Variants in AK8 observed in about 807,000 individuals in gnomAD.
AK8 encodes ATP-AMP transphosphorylase 8.
AK8 carries 44 observed loss-of-function variants against 54.6 expected under a neutral mutation model. The observed-to-expected ratio is 0.81, with a 90% CI of 0.63 to 1.04. The LOEUF is 1.04. AK8 is among the 50% of genes least tolerant of loss of function. The pLI, the probability that AK8 is intolerant of heterozygous loss-of-function variation, is 0.00. For synonymous variants in AK8, 239 were observed against 245.6 expected, an observed-to-expected ratio of 0.97 and a Z score of 0.25; for missense variants, 555 against 613.6, an observed-to-expected ratio of 0.90 and a Z score of 1.01.
At chr9:132,835,145 C>T (rs1842269159) in intron 5 of AK8, among the ~76,000 whole-genome samples, 1 of 152,194 alleles carries the variant, frequency 6.6e-6, no homozygotes, top group Admixed American at 6.5e-5. Flanking sequence ...GCTGGGATTA[C>T]AGGCATGAGC....
intron 11 of AK8, among the ~76,000 whole-genome samples, chr9:132,743,072 T>C (rs983707046): frequency 4.6e-5 from 7 of 152,184 alleles, no homozygotes; most frequent in East Asian, 3.9e-4. Flanking sequence ...CCTGGCTGCG[T>C]GTGTAGCTTT....
At chr9:132,808,938 T>A in intron 10 of AK8, among the ~76,000 whole-genome samples, 1 of 150,938 alleles carries the variant, frequency 6.6e-6, no homozygotes, top group African/African-American at 2.4e-5. Context: ...GCTTGGGGAG[T>A]GGTGGGGATG....
At chr9:132,840,730 T>TA (rs1842510043) in intron 5 of AK8, among the ~76,000 whole-genome samples, 1 of 152,012 alleles carries the variant, frequency 6.6e-6, no homozygotes, top group African/African-American at 2.4e-5. Context: ...CTGTCTCTAC[T>TA]AAAAATACAA....
intron 11 of AK8, among the ~76,000 whole-genome samples, chr9:132,782,847 C>T (rs905718798): frequency 1.8e-4 from 28 of 152,202 alleles, no homozygotes; most frequent in African/African-American, 6.8e-4. Context: ...AAACAGGATG[C>T]TCAGGTTAAC....
At chr9:132,861,680 A>G (rs1843394590) in intron 4 of AK8, 1 of 152,356 alleles carries the variant, frequency 6.6e-6, no homozygotes, top group South Asian at 2.1e-4. Flanking sequence ...GCAGGAGAAA[A>G]TCAGGTATTT....
At chr9:132,749,425 C>T (rs1837801323) in intron 11 of AK8, among the ~76,000 whole-genome samples, 1 of 151,928 alleles carries the variant, frequency 6.6e-6, no homozygotes, top group Non-Finnish European at 1.5e-5. Context: ...TGCGAGGCCC[C>T]TCGTAAGGTG....
intron 11 of AK8, among the ~76,000 whole-genome samples, chr9:132,782,560 G>A (rs1319578719): frequency 6.6e-6 from 1 of 152,040 alleles, no homozygotes; most frequent in Non-Finnish European, 1.5e-5. Context: ...ATGGTGGCAC[G>A]CGCCTGTAAT....
At chr9:132,827,272 AG>A in intron 7 of AK8, 2 of 607,838 alleles carry the variant, frequency 3.3e-6, no homozygotes, top group Non-Finnish European at 2.9e-6. Context: ...AACAGGACCC[AG>A]GGCAAGGGCT....
intron 11 of AK8, among the ~76,000 whole-genome samples, chr9:132,730,508 C>T (rs1350508462): frequency 2.0e-5 from 3 of 151,240 alleles, no homozygotes; most frequent in African/African-American, 7.3e-5. Context: ...ATCTAAAACC[C>T]TAGGGTTGGG....
intron 6 of AK8, 136 bp from the exon 7 acceptor site, chr9:132,828,220 T>A: frequency 1.4e-6 from 1 of 733,000 alleles, no homozygotes; most frequent in Non-Finnish European, 2.2e-6. Context: ...TCATCTCCCA[T>A]CCCCGTGAAT....
At chr9:132,748,325 G>T (rs1030453031) in intron 11 of AK8, among the ~76,000 whole-genome samples, 1 of 151,782 alleles carries the variant, frequency 6.6e-6, no homozygotes, top group Non-Finnish European at 1.5e-5. Flanking sequence ...CCATATCACT[G>T]TGGAATCAGA....
chr9:132,728,448 GC>G (rs1432120827), intron 11 of AK8, among the ~76,000 whole-genome samples: 1 of 152,214 alleles, frequency 6.6e-6, no homozygotes, highest in Non-Finnish European at 1.5e-5. Flanking sequence ...CACTGACCCA[GC>G]CTCTGTCAGA....
chr9:132,839,918 A>G (rs1238709796), intron 5 of AK8, among the ~76,000 whole-genome samples: 2 of 151,618 alleles, frequency 1.3e-5, no homozygotes, highest in South Asian at 2.1e-4. Context: ...CCCGGGTTCA[A>G]GTGATTCTCT....
At chr9:132,866,256 AG>A (rs567825968) in intron 3 of AK8, among the ~76,000 whole-genome samples, 213 of 152,340 alleles carry the variant, frequency 1.4e-3, no homozygotes, top group African/African-American at 4.8e-3. Context: ...ACACACCACC[AG>A]TTTCTGGACA....
At chr9:132,856,134 C>A (rs567362335) in intron 4 of AK8, among the ~76,000 whole-genome samples, 2 of 152,304 alleles carry the variant, frequency 1.3e-5, no homozygotes, top group East Asian at 1.9e-4. Flanking sequence ...TTGTAGTGCA[C>A]AACAGGGGCT....
chr9:132,754,942 G>T (rs1219376268), intron 11 of AK8, among the ~76,000 whole-genome samples: 1 of 152,000 alleles, frequency 6.6e-6, no homozygotes, highest in African/African-American at 2.4e-5. Context: ...TGGGATTACA[G>T]GCATGTGCCA....
At chr9:132,878,312 AC>A (rs886213892), upstream of AK8, 47 of 1,320,192 alleles carry the variant, frequency 3.6e-5, no homozygotes, top group Middle Eastern at 5.6e-4. The surrounding 1 kb of genome is among the most constrained non-coding windows in gnomAD (Gnocchi z 4.7). Context: ...CGCCGCGCCG[AC>A]TGCGTCATCA....
chr9:132,732,176 T>C (rs1186875306), intron 11 of AK8, among the ~76,000 whole-genome samples: 1 of 152,178 alleles, frequency 6.6e-6, no homozygotes, highest in Non-Finnish European at 1.5e-5. Flanking sequence ...CTTTTCTATA[T>C]GTAAATAAAC....
chr9:132,796,547 A>G (rs1471232762), intron 10 of AK8, among the ~76,000 whole-genome samples: 1 of 152,206 alleles, frequency 6.6e-6, no homozygotes, highest in Non-Finnish European at 1.5e-5. Flanking sequence ...GTCCATCAAT[A>G]GAGGACAGAT....
Sources: gnomAD v4.1 joint callset for allele counts (sites outside exome capture counted in the v4.1 genomes callset) on GRCh38, gnomAD v4.1.1 for gene constraint, Gnocchi (gnomAD v3.1) non-coding constraint, MANE v1.5 for transcripts, NCBI Gene and HGNC (gene_info 2026-07-23, HGNC 2026-07-21) for gene names.